PXDNL: variants seen among roughly 807,000 people sequenced by gnomAD.
The protein encoded by PXDNL is peroxidasin like, also known as probable oxidoreductase PXDNL.
Under a neutral mutation model 150.8 loss-of-function variants are expected in PXDNL, and 145 were observed. The observed-to-expected ratio is 0.96, with a 90% CI of 0.84 to 1.10. The LOEUF (loss-of-function observed/expected upper bound fraction) is 1.10, where lower values mean the gene tolerates loss of function less well. Among genes scored for constraint, PXDNL ranks in the 50% least tolerant of loss-of-function variants. The pLI is 0.00. For missense variants in PXDNL, 2,087 were observed against 1,873.9 expected (o/e 1.11, Z -2.10); for synonymous variants, 757 against 725.7 (o/e 1.04, Z -0.69).
chr8:51,772,039 C>T (rs929788782), intron 1 of PXDNL, among the ~76,000 whole-genome samples: 2 of 151,840 alleles, frequency 1.3e-5, no homozygotes, highest in Admixed American at 6.6e-5. Context: ...TCCACTGTGG[C>T]CCCCTCTTCC....
At position 51,360,908 on chromosome 8, in the gene PXDNL, A is replaced by C. The variant is rs926803671; in HGVS notation, c.3901+10965T>G. On this transcript the variant is annotated intron_variant, in intron 19 of 22. Coordinates refer to ENST00000356297, the MANE Select transcript of PXDNL (RefSeq NM_144651.5). ...TGGCTGTGCTGGAGTCTCTGAGCCT[A>C]CTCTGGCTCAGGAGTCTTCTTAATT... 5.3e-5 allele frequency among the ~76,000 whole-genome samples: 8 copies of C among 152,220 alleles called. No homozygotes were observed. The East Asian group carries it at 1.5e-3, about 29-fold the overall frequency.
At chr8:51,576,687 A>T (rs1456732404) in intron 3 of PXDNL, among the ~76,000 whole-genome samples, 1 of 151,844 alleles carries the variant, frequency 6.6e-6, no homozygotes, top group African/African-American at 2.4e-5. Flanking sequence ...GAAATTCAAA[A>T]CAGATAAACA....
intron 1 of PXDNL, among the ~76,000 whole-genome samples, chr8:51,761,651 CT>C (rs1377068799): frequency 6.6e-6 from 1 of 152,090 alleles, no homozygotes; most frequent in African/African-American, 2.4e-5. Flanking sequence ...TTCTGGTATT[CT>C]TTTTCAAAAT....
intron 2 of PXDNL, among the ~76,000 whole-genome samples, chr8:51,624,786 G>A (rs1304364181): frequency 6.6e-6 from 1 of 151,128 alleles, no homozygotes; most frequent in Non-Finnish European, 1.5e-5. Context: ...TTCCCAGTCT[G>A]AAAGCCAGAG....
intron 3 of PXDNL, among the ~76,000 whole-genome samples, chr8:51,586,744 C>T (rs1435746521): frequency 1.3e-5 from 2 of 152,152 alleles, no homozygotes; most frequent in African/African-American, 2.4e-5. Flanking sequence ...TTGCAAGTGA[C>T]GCATTCAGCC....
At position 51,320,581 on chromosome 8, in the gene PXDNL, G is replaced by T. The variant is rs758833337; in HGVS notation, c.4260+203C>A. ...ATGGAAAAAGCTCGTGGTCTCTAGC[G>T]ACTGCTCATTAGATTGTGACTATAC... is the stretch of plus-strand genomic sequence containing the variant. On this transcript the variant is annotated intron_variant, in intron 22 of 22. Coordinates refer to ENST00000356297, the MANE Select transcript of PXDNL (RefSeq NM_144651.5). The T allele has an allele frequency of 1.2e-5, 6 of 488,984 alleles. No individual in the cohort carries two copies. In the South Asian group the frequency reaches 1.7e-4, roughly 14 times the overall value. 30.3% of individuals were successfully genotyped at this position (488,984 alleles called of 1,614,324 possible). A position where few individuals can be genotyped will look rare whatever the true frequency, so the allele number is the denominator to read the frequency against.
intron 10 of PXDNL, among the ~76,000 whole-genome samples, chr8:51,450,148 T>G (rs935187509): frequency 1.1e-4 from 16 of 152,212 alleles, no homozygotes; most frequent in Admixed American, 1.3e-4. Flanking sequence ...ATTTGTAAAC[T>G]GTCCTGGTGC....
intron 2 of PXDNL, among the ~76,000 whole-genome samples, chr8:51,628,125 A>C (rs1814401174): frequency 2.0e-5 from 3 of 152,170 alleles, no homozygotes; most frequent in Admixed American, 2.0e-4. Flanking sequence ...ACACTGGGAA[A>C]TTTAGAAAGC....
intron 2 of PXDNL, among the ~76,000 whole-genome samples, chr8:51,605,441 C>A (rs1813818264): frequency 6.6e-6 from 1 of 151,680 alleles, no homozygotes; most frequent in Non-Finnish European, 1.5e-5. Flanking sequence ...AAGAAAGAAT[C>A]TGAATTCAAA....
chr8:51,342,727 G>C (rs116596834), intron 20 of PXDNL, among the ~76,000 whole-genome samples: 1 of 152,064 alleles, frequency 6.6e-6, no homozygotes. Context: ...AAGTGCTAGC[G>C]TGCACTCTGT....
At chr8:51,323,920 A>AAAAAT (rs1190979309) in intron 21 of PXDNL, among the ~76,000 whole-genome samples, 1 of 128,486 alleles carries the variant, frequency 7.8e-6, no homozygotes, top group African/African-American at 3.8e-5. Flanking sequence ...TCATCTCAAA[A>AAAAAT]AAAATAAAAT....
At chr8:51,564,580 C>CT (rs1480556488) in intron 3 of PXDNL, among the ~76,000 whole-genome samples, 1 of 151,156 alleles carries the variant, frequency 6.6e-6, no homozygotes, top group Non-Finnish European at 1.5e-5. Flanking sequence ...TCCATATGTA[C>CT]TTAACATTTA....
intron 4 of PXDNL, among the ~76,000 whole-genome samples, chr8:51,507,810 G>A (rs1371066783): frequency 3.3e-5 from 5 of 152,154 alleles, no homozygotes. Flanking sequence ...CCAGGGTGTT[G>A]CTCAACGTCC....
intron 1 of PXDNL, among the ~76,000 whole-genome samples, chr8:51,766,461 A>G (rs1196428814): frequency 6.6e-6 from 1 of 152,230 alleles, no homozygotes; most frequent in Non-Finnish European, 1.5e-5. Context: ...TTGAAGAACT[A>G]GTTAGGGTCC....
chr8:51,629,873 T>G (rs1212568299), intron 2 of PXDNL, among the ~76,000 whole-genome samples: 2 of 152,218 alleles, frequency 1.3e-5, no homozygotes, highest in Non-Finnish European at 2.9e-5. Context: ...CAAAGCAATT[T>G]GCAGATTCAA....
At chr8:51,682,606 C>T (rs1447655114) in intron 1 of PXDNL, among the ~76,000 whole-genome samples, 1 of 152,176 alleles carries the variant, frequency 6.6e-6, no homozygotes, top group Non-Finnish European at 1.5e-5. Context: ...CCCTAACCTA[C>T]CTCCTCTTCA....
chr8:51,347,980 C>A (rs1159453611), intron 19 of PXDNL, among the ~76,000 whole-genome samples: 2 of 152,086 alleles, frequency 1.3e-5, no homozygotes, highest in East Asian at 3.9e-4. Flanking sequence ...GAAACTCAGT[C>A]TTTCTATTTC....
chr8:51,661,343 G>A (rs925440178), intron 1 of PXDNL, among the ~76,000 whole-genome samples: 2 of 152,138 alleles, frequency 1.3e-5, no homozygotes, highest in African/African-American at 4.8e-5. Flanking sequence ...AACTTGGCTA[G>A]GTCACAGCAC....
At chr8:51,543,524 A>C (rs1563457838) in intron 4 of PXDNL, among the ~76,000 whole-genome samples, 1 of 152,046 alleles carries the variant, frequency 6.6e-6, no homozygotes, top group Non-Finnish European at 1.5e-5. Flanking sequence ...AATCCTGGCT[A>C]ACATGGTGAA....
Sources: allele counts gnomAD v4.1 joint callset (sites outside exome capture counted in the v4.1 genomes callset), GRCh38; gene constraint gnomAD v4.1.1; transcripts MANE v1.5; gene names NCBI Gene and HGNC (gene_info 2026-07-23, HGNC 2026-07-21).